GRIA4: variants seen among roughly 807,000 people sequenced by gnomAD.
GRIA4 encodes the protein glutamate receptor 4.
Under a neutral mutation model 104.0 loss-of-function variants are expected in GRIA4, and 34 were observed. That is an observed-to-expected ratio of 0.33 (90% CI 0.25 to 0.44). The LOEUF is 0.44. Among genes scored for constraint, GRIA4 ranks in the 20% least tolerant of loss-of-function variants. GRIA4 has a pLI of 1.00. For missense variants in GRIA4, 750 were observed against 1,096.5 expected, an observed-to-expected ratio of 0.68 and a Z score of 4.46; for synonymous variants, 386 against 381.9, an observed-to-expected ratio of 1.01 and a Z score of -0.13.
chr11:105,843,050 A>G (rs1047406710), intron 4 of GRIA4: 4 of 152,156 alleles, frequency 2.6e-5, no homozygotes, highest in Non-Finnish European at 5.9e-5. Context: ...TCTGTCCTGA[A>G]TTCCCCAAGG....
At chr11:105,734,626 T>C (rs1049594789) in intron 3 of GRIA4, among the ~76,000 whole-genome samples, 5 of 152,288 alleles carry the variant, frequency 3.3e-5, no homozygotes, top group African/African-American at 9.6e-5. Flanking sequence ...ACTTGGTTTA[T>C]TACTTCCTCT....
intron 4 of GRIA4, among the ~76,000 whole-genome samples, chr11:105,818,473 A>G (rs1021314011): frequency 6.6e-6 from 1 of 152,170 alleles, no homozygotes; most frequent in Admixed American, 6.6e-5. Context: ...ACGAATCTTC[A>G]TCTTGCTTGC....
chr11:105,636,431 A>G (rs1951203529), intron 3 of GRIA4, among the ~76,000 whole-genome samples: 1 of 152,162 alleles, frequency 6.6e-6, no homozygotes, highest in South Asian at 2.1e-4. Context: ...TTTTATTCAA[A>G]GTCTCCTTTA....
At chr11:105,755,767 C>T (rs1413302808) in intron 4 of GRIA4, among the ~76,000 whole-genome samples, 2 of 152,162 alleles carry the variant, frequency 1.3e-5, no homozygotes, top group African/African-American at 4.8e-5. Flanking sequence ...CTAAATAGAA[C>T]AAAAATTTGG....
At chr11:105,725,729 T>G (rs138854274) in intron 3 of GRIA4, among the ~76,000 whole-genome samples, 135 of 152,010 alleles carry the variant, frequency 8.9e-4, no homozygotes, top group African/African-American at 3.1e-3. Flanking sequence ...AGACAGTGAG[T>G]GCAGCCCATG....
intron 1 of GRIA4, 139 bp from the exon 2 acceptor site, chr11:105,610,769 G>A: frequency 2.0e-6 from 1 of 498,352 alleles, no homozygotes; most frequent in Non-Finnish European, 3.6e-6. Flanking sequence ...TGGAGACTGC[G>A]GGAAAAATCT....
At chr11:105,661,373 A>G (rs1185102048) in intron 3 of GRIA4, among the ~76,000 whole-genome samples, 2 of 151,610 alleles carry the variant, frequency 1.3e-5, no homozygotes, top group Admixed American at 1.3e-4. Context: ...CCCCCTAGAA[A>G]TTGCTCTAGA....
intron 5 of GRIA4, among the ~76,000 whole-genome samples, chr11:105,877,774 T>C (rs953793729): frequency 6.6e-6 from 1 of 152,246 alleles, no homozygotes; most frequent in Non-Finnish European, 1.5e-5. Flanking sequence ...ATTTATGTTC[T>C]TCTCCAAACT....
At chr11:105,613,281 C>A (rs1950524156) in intron 3 of GRIA4, 3 of 152,290 alleles carry the variant, frequency 2.0e-5, no homozygotes, top group South Asian at 2.1e-4. Context: ...GTTTAAAACA[C>A]ATTGAAACAT....
At chr11:105,705,363 T>C (rs1391509177) in intron 3 of GRIA4, among the ~76,000 whole-genome samples, 1 of 152,096 alleles carries the variant, frequency 6.6e-6, no homozygotes. Context: ...CATTATACAG[T>C]AGTGAAATAT....
intron 3 of GRIA4, among the ~76,000 whole-genome samples, chr11:105,618,976 G>A (rs1304009840): frequency 1.3e-5 from 2 of 151,794 alleles, no homozygotes; most frequent in African/African-American, 2.4e-5. Flanking sequence ...CAACCTCGTT[G>A]ACAACTGCAG....
At chr11:105,828,769 A>G (rs1316439475) in intron 4 of GRIA4, among the ~76,000 whole-genome samples, 1 of 151,968 alleles carries the variant, frequency 6.6e-6, no homozygotes, top group East Asian at 1.9e-4. Context: ...GCAGTAATAC[A>G]ATTACTGGGA....
chr11:105,937,384 T>C (rs1011206341), intron 14 of GRIA4, among the ~76,000 whole-genome samples: 4 of 152,146 alleles, frequency 2.6e-5, no homozygotes, highest in Admixed American at 2.6e-4. Flanking sequence ...TGCTACAGTA[T>C]CCATACTACA....
intron 5 of GRIA4, among the ~76,000 whole-genome samples, chr11:105,875,489 G>A (rs572858821): frequency 2.0e-5 from 3 of 152,238 alleles, no homozygotes; most frequent in Non-Finnish European, 4.4e-5. Flanking sequence ...AGAAGGAATG[G>A]TACCAACTCC....
chr11:105,759,712 C>G (rs1435064174), intron 4 of GRIA4, among the ~76,000 whole-genome samples: 1 of 152,128 alleles, frequency 6.6e-6, no homozygotes, highest in Non-Finnish European at 1.5e-5. Context: ...ATTCCTTCAG[C>G]CTTTTTCTTG....
At chr11:105,631,041 C>A (rs997257741) in intron 3 of GRIA4, among the ~76,000 whole-genome samples, 4 of 152,144 alleles carry the variant, frequency 2.6e-5, no homozygotes, top group Non-Finnish European at 4.4e-5. Context: ...ACTTCTACTC[C>A]CCACCTTGTT....
chr11:105,619,171 T>G (rs1437934200), intron 3 of GRIA4, among the ~76,000 whole-genome samples: 2 of 151,922 alleles, frequency 1.3e-5, no homozygotes, highest in African/African-American at 4.8e-5. Context: ...TATGGAGAGA[T>G]AATCTCCTCT....
chr11:105,932,086 C>T (rs556576786), intron 13 of GRIA4, among the ~76,000 whole-genome samples: 2 of 152,094 alleles, frequency 1.3e-5, no homozygotes, highest in East Asian at 3.9e-4. Context: ...ATTGCAGCCC[C>T]TTGTTATTGA....
At chr11:105,696,634 T>C (rs1472213665) in intron 3 of GRIA4, among the ~76,000 whole-genome samples, 1 of 152,190 alleles carries the variant, frequency 6.6e-6, no homozygotes, top group Non-Finnish European at 1.5e-5. Flanking sequence ...ATACCATTTC[T>C]CATCTCTTAC....
Sources: allele counts gnomAD v4.1 joint callset (sites outside exome capture counted in the v4.1 genomes callset), GRCh38; gene constraint gnomAD v4.1.1; transcripts MANE v1.5; gene names NCBI Gene and HGNC (gene_info 2026-07-23, HGNC 2026-07-21).